FYN: variants seen among roughly 807,000 people sequenced by gnomAD.
FYN encodes the protein FYN proto-oncogene, Src family tyrosine kinase, also known as tyrosine-protein kinase Fyn.
Under a neutral mutation model 70.2 loss-of-function variants are expected in FYN, and 10 were observed. That is an observed-to-expected ratio of 0.14 (90% CI 0.09 to 0.24). The LOEUF (loss-of-function observed/expected upper bound fraction) is 0.24, where lower values mean the gene tolerates loss of function less well. Ranked by LOEUF, FYN falls within the 10% of genes least tolerant of loss-of-function variation. FYN has a pLI of 1.00. For synonymous variants in FYN, 236 were observed against 248.6 expected, an observed-to-expected ratio of 0.95 and a Z score of 0.48; for missense variants, 319 against 673.1, an observed-to-expected ratio of 0.47 and a Z score of 5.82.
chr6:111,800,969 G>A lies in FYN; in HGVS notation c.-81-20334C>T, dbSNP rs181265220. Among the ~76,000 whole-genome samples the A allele has an allele frequency of 1.2e-4, 19 of 152,274 alleles. No individual in the cohort carries two copies. In the East Asian group the frequency reaches 2.3e-3, roughly 19 times the overall value. On this transcript the variant is annotated intron_variant, in intron 2 of 13. Transcript: ENST00000354650. ...CTAAAAGTCTAATCACTATTTGCTC[G>A]TTCATACTTAGTCACCTTACACTTC...
At chr6:111,756,162 T>C (rs1802723695) in intron 3 of FYN, among the ~76,000 whole-genome samples, 1 of 151,990 alleles carries the variant, frequency 6.6e-6, no homozygotes, top group Admixed American at 6.6e-5. Flanking sequence ...TGAGAGAACA[T>C]AACTACAGAT....
rs372564896 is a variant in FYN at position 111,720,874 on chromosome 6, C to T, written c.-11-812G>A. Among the ~76,000 whole-genome samples, 667 of 152,264 alleles carry T rather than the reference C, an allele frequency of 4.4e-3. 3 individuals are homozygous for T. Among genetic ancestry groups the T allele is most frequent in the African/African-American group, 0.015 (632 of 41,552 alleles). On this transcript the variant is annotated intron_variant, in intron 3 of 13. Coordinates refer to ENST00000354650, the MANE Select transcript of FYN (RefSeq NM_002037.5). ...CACCCCACCCTCCTCAAACCCTCTTCTCCCAGGCTCCTCATCTAAGTAAAT... is the reference window on the plus strand; with the variant it reads ...CACCCCACCCTCCTCAAACCCTCTTTTCCCAGGCTCCTCATCTAAGTAAAT...
At chr6:111,720,789 T>A (rs1009519120) in intron 3 of FYN, among the ~76,000 whole-genome samples, 5 of 151,430 alleles carry the variant, frequency 3.3e-5, no homozygotes, top group Non-Finnish European at 5.9e-5. Context: ...TCAAAAACAT[T>A]AAAAAAAAAT....
chr6:111,840,800 T>G (rs9387045), intron 2 of FYN, among the ~76,000 whole-genome samples: 4,685 of 152,336 alleles, frequency 0.031, 115 homozygotes, highest in East Asian at 0.13. Context: ...ACATATATTT[T>G]ATTAATAATC....
intron 3 of FYN, chr6:111,740,915 C>G (rs1235729846): frequency 6.6e-6 from 1 of 152,178 alleles, no homozygotes; most frequent in Non-Finnish European, 1.5e-5. Context: ...TTGAGACCAG[C>G]CTGAGCTACA....
At chr6:111,813,660 A>G (rs1316368988) in intron 2 of FYN, among the ~76,000 whole-genome samples, 1 of 152,202 alleles carries the variant, frequency 6.6e-6, no homozygotes, top group African/African-American at 2.4e-5. Flanking sequence ...TTACCTCTCT[A>G]GGCCTCAGTT....
rs1022458529 is a variant in FYN, at chr6:111,662,306, AG to A, written c.1406-360del. 2.8e-4 allele frequency among the ~76,000 whole-genome samples: 43 copies of A among 152,250 alleles called. 1 individual carries two copies. Among genetic ancestry groups the A allele is most frequent in the African/African-American group, 1.0e-3 (43 of 41,468 alleles). Reference sequence around the variant, plus strand: ...GGAGGAATCCCTGCCAAGGGGCCAGAGGGAACTCCAAGTGGGATGGGAATGT... The same window carrying A: ...GGAGGAATCCCTGCCAAGGGGCCAGAGGAACTCCAAGTGGGATGGGAATGT... On this transcript the variant is annotated intron_variant, in intron 13 of 13. Transcript: ENST00000354650.
intron 12 of FYN, among the ~76,000 whole-genome samples, chr6:111,691,494 G>A (rs1298189658): frequency 1.3e-5 from 2 of 152,174 alleles, no homozygotes; most frequent in Non-Finnish European, 2.9e-5. Flanking sequence ...TTAGGCATGC[G>A]GACCAGCTGT....
chr6:111,787,648 T>G (rs116393085), intron 2 of FYN, among the ~76,000 whole-genome samples: 3,777 of 152,348 alleles, frequency 0.025, 155 homozygotes, highest in African/African-American at 0.087. Flanking sequence ...GTTGAGTGAC[T>G]GACTGAATAA....
At chr6:111,768,579 T>C (rs940848262) in intron 3 of FYN, among the ~76,000 whole-genome samples, 4 of 152,346 alleles carry the variant, frequency 2.6e-5, no homozygotes, top group Non-Finnish European at 4.4e-5. Context: ...TCCGAATGAA[T>C]GGAGGGACAG....
intron 3 of FYN, among the ~76,000 whole-genome samples, chr6:111,751,443 C>A (rs1021631039): frequency 8.8e-6 from 1 of 114,144 alleles, no homozygotes; most frequent in Non-Finnish European, 1.8e-5. Flanking sequence ...CTCACAAAAA[C>A]AACAAACAAT....
chr6:111,685,123 T>G (rs1798942443), intron 12 of FYN, among the ~76,000 whole-genome samples: 1 of 152,194 alleles, frequency 6.6e-6, no homozygotes, highest in South Asian at 2.1e-4. Context: ...AGACAAGAGC[T>G]TTGTAACCAA....
chr6:111,679,645 C>G (rs1798698830), intron 12 of FYN, among the ~76,000 whole-genome samples: 1 of 152,120 alleles, frequency 6.6e-6, no homozygotes, highest in Non-Finnish European at 1.5e-5. Flanking sequence ...TCTACTTGTC[C>G]TTGGTGACAG....
intron 3 of FYN, among the ~76,000 whole-genome samples, chr6:111,777,505 G>A (rs1386780005): frequency 6.6e-6 from 1 of 151,938 alleles, no homozygotes; most frequent in Non-Finnish European, 1.5e-5. Context: ...ACTGATCTAC[G>A]ATATATTTCA....
chr6:111,710,985 AAGGTTTTATAAC>A (rs1451759516), intron 5 of FYN, among the ~76,000 whole-genome samples: 1 of 152,202 alleles, frequency 6.6e-6, no homozygotes, highest in Non-Finnish European at 1.5e-5. Flanking sequence ...AATGGCTTTT[AAGGTTTTATAAC>A]AGCTGTCTCT....
chr6:111,826,975 T>G (rs1450726316), intron 2 of FYN, among the ~76,000 whole-genome samples: 1 of 152,164 alleles, frequency 6.6e-6, no homozygotes, highest in Non-Finnish European at 1.5e-5. Flanking sequence ...GAGGGGAAGC[T>G]GCTTGTCTGA....
intron 3 of FYN, among the ~76,000 whole-genome samples, chr6:111,757,818 C>T (rs1214181513): frequency 6.6e-6 from 1 of 152,228 alleles, no homozygotes; most frequent in Non-Finnish European, 1.5e-5. Flanking sequence ...CAATTGCGTT[C>T]CCTGTACTCT....
chr6:111,668,502 G>GAA (rs140235658), intron 13 of FYN, among the ~76,000 whole-genome samples: 4,544 of 126,388 alleles, frequency 0.036, 106 homozygotes, highest in East Asian at 0.1. Context: ...CTTTGTCCCA[G>GAA]AAAAAAAAAA....
At chr6:111,785,194 T>C (rs926393103) in intron 2 of FYN, among the ~76,000 whole-genome samples, 3 of 152,232 alleles carry the variant, frequency 2.0e-5, no homozygotes, top group Non-Finnish European at 4.4e-5. Flanking sequence ...TTTTGCTATC[T>C]CTTTCCTGGT....
Sources: allele counts gnomAD v4.1 joint callset (sites outside exome capture counted in the v4.1 genomes callset), GRCh38; gene constraint gnomAD v4.1.1; transcripts MANE v1.5; gene names NCBI Gene and HGNC (gene_info 2026-07-23, HGNC 2026-07-21).